Variants in CDKAL1 observed in about 807,000 individuals in gnomAD.
The protein encoded by CDKAL1 is CDKAL1 threonylcarbamoyladenosine tRNA methylthiotransferase, also known as threonylcarbamoyladenosine tRNA methylthiotransferase.
Under a neutral mutation model 68.2 loss-of-function variants are expected in CDKAL1, and 32 were observed. The observed-to-expected ratio is 0.47, with a 90% CI of 0.35 to 0.63. The LOEUF (loss-of-function observed/expected upper bound fraction) is 0.63, where lower values mean the gene tolerates loss of function less well. Ranked by LOEUF, CDKAL1 falls within the 30% of genes least tolerant of loss-of-function variation. The pLI is 0.00. For synonymous variants in CDKAL1, 234 were observed against 244.3 expected (o/e 0.96, Z 0.39); for missense variants, 606 against 696.7 (o/e 0.87, Z 1.47).
At chr6:20,907,038 CAG>C (rs1561874474) in intron 9 of CDKAL1, among the ~76,000 whole-genome samples, 1 of 151,938 alleles carries the variant, frequency 6.6e-6, no homozygotes, top group Non-Finnish European at 1.5e-5. Flanking sequence ...ATCATAGAAA[CAG>C]AAAGGAAAAT....
intron 11 of CDKAL1, among the ~76,000 whole-genome samples, chr6:21,025,464 G>A (rs1469387212): frequency 6.6e-6 from 1 of 152,126 alleles, no homozygotes; most frequent in East Asian, 1.9e-4. Context: ...TGCAAAAGTG[G>A]ATGAATATTC....
intron 8 of CDKAL1, among the ~76,000 whole-genome samples, chr6:20,809,535 G>C (rs1223073265): frequency 6.6e-6 from 1 of 152,084 alleles, no homozygotes; most frequent in East Asian, 1.9e-4. Context: ...TGGAGTAGTT[G>C]GGAATGAAAC....
At chr6:20,622,588 A>G (rs1767242879) in intron 4 of CDKAL1, among the ~76,000 whole-genome samples, 1 of 152,104 alleles carries the variant, frequency 6.6e-6, no homozygotes, top group Non-Finnish European at 1.5e-5. Flanking sequence ...TTCCCAAGTT[A>G]AGAACACTGT....
chr6:20,546,225 T>A (rs1483526533), intron 2 of CDKAL1, 121 bp from the exon 3 acceptor site: 5 of 693,084 alleles, frequency 7.2e-6, no homozygotes, highest in African/African-American at 1.8e-5. Context: ...GTATTTTCTA[T>A]AAATTTGAAG....
intron 9 of CDKAL1, among the ~76,000 whole-genome samples, chr6:20,875,855 CTG>C (rs1402753914): frequency 6.6e-6 from 1 of 152,014 alleles, no homozygotes; most frequent in Non-Finnish European, 1.5e-5. Flanking sequence ...TGTCCTGACT[CTG>C]TGTGTGATTT....
At chr6:20,822,754 T>G (rs1422648003) in intron 8 of CDKAL1, among the ~76,000 whole-genome samples, 1 of 152,182 alleles carries the variant, frequency 6.6e-6, no homozygotes, top group Non-Finnish European at 1.5e-5. Context: ...TCAGCCCTTC[T>G]CCTTCCTGCT....
intron 11 of CDKAL1, among the ~76,000 whole-genome samples, chr6:21,046,528 C>G (rs1022542983): frequency 2.6e-5 from 4 of 152,248 alleles, no homozygotes. Context: ...CCAGGCAGTG[C>G]TCATGGCTGT....
chr6:20,593,736 T>G (rs1044136730), intron 4 of CDKAL1, among the ~76,000 whole-genome samples: 1 of 152,228 alleles, frequency 6.6e-6, no homozygotes, highest in African/African-American at 2.4e-5. Context: ...ATTTGTTTGC[T>G]CTTGCTTCTC....
Position 20,539,382 on chromosome 6 carries a change from T to C in CDKAL1, c.-6+3988T>C, listed in dbSNP as rs558366443. Reference sequence around the variant, plus strand: ...CGAAAACCTTTACCCTCACGAAGTATGTATTCTAGTAAGATAAACAGTTAA... The same window carrying C: ...CGAAAACCTTTACCCTCACGAAGTACGTATTCTAGTAAGATAAACAGTTAA... On this transcript the variant is annotated intron_variant, in intron 2 of 15. Coordinates refer to ENST00000274695, the MANE Select transcript of CDKAL1 (RefSeq NM_017774.3). This position sits in a 1 kb window ranked among gnomAD's most constrained non-coding sequence, Gnocchi z 4.3. 1.3e-5 allele frequency among the ~76,000 whole-genome samples: 2 copies of C among 152,212 alleles called. No individual in the cohort carries two copies. Among genetic ancestry groups the C allele is most frequent in the African/African-American group, 4.8e-5 (2 of 41,448 alleles).
intron 8 of CDKAL1, among the ~76,000 whole-genome samples, chr6:20,838,873 G>A (rs1778063913): frequency 6.6e-6 from 1 of 151,956 alleles, no homozygotes; most frequent in Non-Finnish European, 1.5e-5. Context: ...TACTTGGGAG[G>A]CTGAGGCAGG....
intron 9 of CDKAL1, among the ~76,000 whole-genome samples, chr6:20,862,300 T>TTG (rs1314546041): frequency 1.3e-5 from 2 of 152,202 alleles, no homozygotes; most frequent in Non-Finnish European, 2.9e-5. Context: ...TCAGTTAAGC[T>TTG]TGTGATACTA....
intron 13 of CDKAL1, among the ~76,000 whole-genome samples, chr6:21,150,913 C>T (rs1776383764): frequency 6.6e-6 from 1 of 152,200 alleles, no homozygotes; most frequent in African/African-American, 2.4e-5. Context: ...CAAATGACAG[C>T]AGTGCCTGCC....
At chr6:21,126,445 G>A (rs1775017758) in intron 13 of CDKAL1, among the ~76,000 whole-genome samples, 1 of 152,152 alleles carries the variant, frequency 6.6e-6, no homozygotes, top group South Asian at 2.1e-4. Context: ...AATAAGTTAT[G>A]CTCATTGGCT....
At chr6:21,111,927 C>T (rs1310489136) in intron 13 of CDKAL1, among the ~76,000 whole-genome samples, 1 of 152,120 alleles carries the variant, frequency 6.6e-6, no homozygotes, top group African/African-American at 2.4e-5. Context: ...ATATTTTATG[C>T]ATTATGTTGT....
chr6:20,774,362 T>C (rs1370372179), intron 7 of CDKAL1, among the ~76,000 whole-genome samples: 1 of 152,204 alleles, frequency 6.6e-6, no homozygotes, highest in African/African-American at 2.4e-5. Context: ...GTAATTTAGT[T>C]AATAGATATA....
rs9358351 is a variant in CDKAL1, at chr6:20,604,765, A to G, written c.287-44528A>G. Among the ~76,000 whole-genome samples the G allele has an allele frequency of 2.0e-5, 3 of 152,348 alleles. No individual in the cohort carries two copies. In the East Asian group the frequency reaches 5.8e-4, roughly 29 times the overall value. On this transcript the variant is annotated intron_variant, in intron 4 of 15. Coordinates refer to ENST00000274695, the MANE Select transcript of CDKAL1 (RefSeq NM_017774.3). Reference sequence around the variant, plus strand: ...AAAGGATGGGGTTCTGTTTTACAAGATGTAGTATACAATTTGAATCTGTGA... The same window carrying G: ...AAAGGATGGGGTTCTGTTTTACAAGGTGTAGTATACAATTTGAATCTGTGA...
At chr6:20,618,584 C>G (rs754801001) in intron 4 of CDKAL1, among the ~76,000 whole-genome samples, 11 of 152,180 alleles carry the variant, frequency 7.2e-5, no homozygotes, top group Non-Finnish European at 1.3e-4. Context: ...AAATTCATGA[C>G]TGCATTCTTG....
chr6:20,849,770 A>G (rs1409615374), intron 9 of CDKAL1, among the ~76,000 whole-genome samples: 2 of 152,162 alleles, frequency 1.3e-5, no homozygotes, highest in Admixed American at 1.3e-4. Context: ...TGCTCTGTAG[A>G]TAGATGTTTA....
intron 5 of CDKAL1, among the ~76,000 whole-genome samples, chr6:20,671,781 G>C (rs952589794): frequency 1.3e-5 from 2 of 151,688 alleles, no homozygotes; most frequent in Admixed American, 1.3e-4. Context: ...AAGCTGGATT[G>C]CAGTGGCTGT....
Sources: gnomAD v4.1 joint callset for allele counts (sites outside exome capture counted in the v4.1 genomes callset) on GRCh38, gnomAD v4.1.1 for gene constraint, Gnocchi (gnomAD v3.1) non-coding constraint, MANE v1.5 for transcripts, NCBI Gene and HGNC (gene_info 2026-07-23, HGNC 2026-07-21) for gene names.